HLCS: variants seen among roughly 807,000 people sequenced by gnomAD.
HLCS encodes holocarboxylase synthetase.
HLCS carries 53 observed loss-of-function variants against 75.0 expected under a neutral mutation model. The observed-to-expected ratio is 0.71, with a 90% CI of 0.57 to 0.89. The LOEUF (loss-of-function observed/expected upper bound fraction) is 0.89, where lower values mean the gene tolerates loss of function less well. Among genes scored for constraint, HLCS ranks in the 40% least tolerant of loss-of-function variants. The pLI is 0.00. For synonymous variants in HLCS, 431 were observed against 428.6 expected, an observed-to-expected ratio of 1.01 and a Z score of -0.07; for missense variants, 966 against 1,074.0, an observed-to-expected ratio of 0.90 and a Z score of 1.41.
At position 36,772,800 on chromosome 21, in the gene HLCS, G is replaced by A. The variant is rs1264462838; in HGVS notation, c.1893-5515C>T. Among the ~76,000 whole-genome samples the A allele has an allele frequency of 2.0e-5, 3 of 152,094 alleles. No individual in the cohort carries two copies. In the East Asian group the frequency reaches 5.8e-4, roughly 29 times the overall value. On this transcript the variant is annotated intron_variant, in intron 6 of 10. Transcript: ENST00000674895. Reference sequence around the variant, plus strand: ...GAGATCGAGACCATCCTGGCCAACAGAGTGAAACCTGTCTCACTAAAAATA... The same window carrying A: ...GAGATCGAGACCATCCTGGCCAACAAAGTGAAACCTGTCTCACTAAAAATA...
chr21:36,854,029 C>T (rs1388177575), intron 6 of HLCS, among the ~76,000 whole-genome samples: 3 of 151,894 alleles, frequency 2.0e-5, no homozygotes, highest in Admixed American at 6.6e-5. Flanking sequence ...TATAAAATAA[C>T]GATGTGAAAT....
chr21:36,896,840 C>A lies in HLCS; in HGVS notation c.1892+20G>T. Reference sequence around the variant, plus strand: ...GGAACAGGACTCCTCTGAGCAGATGCAGACCTGCTCACACCTTACCCATCC... The same window carrying A: ...GGAACAGGACTCCTCTGAGCAGATGAAGACCTGCTCACACCTTACCCATCC... On this transcript the variant is annotated intron_variant, in intron 6 of 10. Coordinates refer to ENST00000674895, the MANE Select transcript of HLCS (RefSeq NM_001352514.2). The A allele has an allele frequency of 6.2e-7, 1 of 1,612,984 alleles. No homozygotes were observed. Among genetic ancestry groups the A allele is most frequent in the Non-Finnish European group, 8.5e-7 (1 of 1,178,982 alleles).
intron 6 of HLCS, among the ~76,000 whole-genome samples, chr21:36,792,042 G>A (rs535587013): frequency 1.8e-4 from 27 of 152,130 alleles, no homozygotes; most frequent in Non-Finnish European, 2.4e-4. Context: ...AGGAACAAGC[G>A]AGCTTTCAAA....
chr21:36,879,754 C>T (rs939774308), intron 6 of HLCS, among the ~76,000 whole-genome samples: 5 of 151,860 alleles, frequency 3.3e-5, no homozygotes, highest in South Asian at 2.1e-4. Context: ...ACAAAAGCTA[C>T]GAAAAGTTAG....
At chr21:36,959,823 G>A (rs920192771) in intron 2 of HLCS, among the ~76,000 whole-genome samples, 1 of 152,102 alleles carries the variant, frequency 6.6e-6, no homozygotes, top group African/African-American at 2.4e-5. Flanking sequence ...CTGGATGCAG[G>A]ACAATAACTC....
At chr21:36,982,983 G>A (rs147289804) in intron 1 of HLCS, among the ~76,000 whole-genome samples, 17,507 of 151,894 alleles carry the variant, frequency 0.12, 1,654 homozygotes, top group African/African-American at 0.26. Context: ...GCAGTGAGCC[G>A]AGATTGTGCC....
chr21:36,791,365 T>C lies in HLCS; in HGVS notation c.1893-24080A>G, dbSNP rs186013869. 9.1e-3 allele frequency among the ~76,000 whole-genome samples: 1,379 copies of C among 152,258 alleles called. 13 individuals carry two copies. Among genetic ancestry groups the C allele is most frequent in the Non-Finnish European group, 0.015 (995 of 68,020 alleles). Reference sequence around the variant, plus strand: ...GCTTTCAGCATTTGCGAGAAGCTGCTCACCAACTGCCAAGTTCCTGCTGGG... The same window carrying C: ...GCTTTCAGCATTTGCGAGAAGCTGCCCACCAACTGCCAAGTTCCTGCTGGG... On this transcript the variant is annotated intron_variant, in intron 6 of 10. Transcript: ENST00000674895.
At chr21:36,984,146 A>AT (rs904738982) in intron 1 of HLCS, among the ~76,000 whole-genome samples, 9 of 152,094 alleles carry the variant, frequency 5.9e-5, no homozygotes, top group African/African-American at 9.7e-5. Flanking sequence ...GCCAAGAATG[A>AT]TTTTTTTAAA....
intron 5 of HLCS, among the ~76,000 whole-genome samples, chr21:36,911,747 TCAA>T (rs2065721391): frequency 4.4e-5 from 1 of 22,724 alleles, no homozygotes; most frequent in Non-Finnish European, 7.0e-5. Context: ...AGACTCCGTC[TCAA>T]AAAAAAAAAA....
intron 6 of HLCS, among the ~76,000 whole-genome samples, chr21:36,823,845 G>A (rs944693145): frequency 1.3e-5 from 2 of 151,984 alleles, no homozygotes; most frequent in Non-Finnish European, 2.9e-5. Context: ...TCCCATTCTT[G>A]GAGGATAAAA....
intron 6 of HLCS, among the ~76,000 whole-genome samples, chr21:36,836,059 G>A (rs1268196795): frequency 6.6e-6 from 1 of 151,818 alleles, no homozygotes; most frequent in African/African-American, 2.4e-5. Flanking sequence ...CCAGTGCCAC[G>A]TCCGAACCTT....
At chr21:36,934,672 C>T (rs2066798519) in intron 4 of HLCS, among the ~76,000 whole-genome samples, 1 of 152,198 alleles carries the variant, frequency 6.6e-6, no homozygotes, top group African/African-American at 2.4e-5. Flanking sequence ...ACACCAGTGC[C>T]TAGGGTGCAG....
intron 2 of HLCS, among the ~76,000 whole-genome samples, chr21:36,952,032 CA>C (rs1412154476): frequency 6.6e-6 from 1 of 151,902 alleles, no homozygotes; most frequent in East Asian, 1.9e-4. Context: ...ATCCAAAATT[CA>C]AAAAGATATT....
At chr21:36,861,093 G>A (rs1176900275) in intron 6 of HLCS, among the ~76,000 whole-genome samples, 1 of 152,076 alleles carries the variant, frequency 6.6e-6, no homozygotes, top group East Asian at 1.9e-4. Context: ...CTGTGCTAAG[G>A]GCTGGGAGAC....
chr21:36,874,358 CGCCACTGCACTCCAGCCTGA>C (rs2063881263), intron 6 of HLCS, among the ~76,000 whole-genome samples: 1 of 151,162 alleles, frequency 6.6e-6, no homozygotes, highest in Admixed American at 6.6e-5. Context: ...GCCGAGATCG[CGCCACTGCACTCCAGCCTGA>C]GCGACAGAGC....
chr21:36,890,477 T>C (rs2064734222), intron 6 of HLCS, among the ~76,000 whole-genome samples: 1 of 152,102 alleles, frequency 6.6e-6, no homozygotes, highest in Admixed American at 6.6e-5. Flanking sequence ...GACTCAGTCA[T>C]CAGCAAGCGG....
intron 2 of HLCS, among the ~76,000 whole-genome samples, chr21:36,954,493 G>A (rs1385714167): frequency 6.6e-6 from 1 of 151,560 alleles, no homozygotes; most frequent in African/African-American, 2.4e-5. Context: ...GCGGGCGCCT[G>A]TAGTCCCAGC....
At chr21:36,972,175 G>T (rs2068810327) in intron 1 of HLCS, 1 of 152,152 alleles carries the variant, frequency 6.6e-6, no homozygotes, top group South Asian at 2.1e-4. Context: ...TCATTCCAAA[G>T]ATTGTAAAAA....
At chr21:36,858,471 G>A (rs1049881554) in intron 6 of HLCS, among the ~76,000 whole-genome samples, 3 of 152,176 alleles carry the variant, frequency 2.0e-5, no homozygotes, top group Non-Finnish European at 2.9e-5. Flanking sequence ...GGAAACGATT[G>A]AAACAGCACT....
Sources: allele counts gnomAD v4.1 joint callset (sites outside exome capture counted in the v4.1 genomes callset), GRCh38; gene constraint gnomAD v4.1.1; transcripts MANE v1.5; gene names NCBI Gene and HGNC (gene_info 2026-07-23, HGNC 2026-07-21).